Variants in OTOGL observed in about 807,000 individuals in gnomAD.
OTOGL encodes otogelin-like protein.
OTOGL carries 285 observed loss-of-function variants against 318.5 expected under a neutral mutation model. That is an observed-to-expected ratio of 0.89 (90% CI 0.81 to 0.99). The LOEUF is 0.99. OTOGL is among the 50% of genes least tolerant of loss of function. The pLI is 0.00. For synonymous variants in OTOGL, 987 were observed against 936.5 expected (o/e 1.05, Z -0.99); for missense variants, 2,899 against 2,845.6 (o/e 1.02, Z -0.43).
Position 80,352,608 on chromosome 12 carries a change from A to G in OTOGL, c.5407+172A>G, listed in dbSNP as rs150219002. Among the ~76,000 whole-genome samples, 57 of 152,334 alleles carry G rather than the reference A, an allele frequency of 3.7e-4. No homozygotes were observed. In the East Asian group the frequency reaches 0.01, roughly 28 times the overall value. On this transcript the variant is annotated intron_variant, in intron 45 of 58. Transcript: ENST00000547103. ...ACTTGATTTCAGAAATAAAACAGTC[A>G]CACATGAAGCTCCCTTTGTGCCTTC...
At position 80,358,285 on chromosome 12, in the gene OTOGL, T is replaced by G; in HGVS notation, c.6057T>G (p.His2019Gln). 6.2e-7 allele frequency: 1 copy of G among 1,612,428 alleles called. No homozygotes were observed. The highest frequency in any genetic ancestry group is 8.5e-7 in the Non-Finnish European group (1 of 1,179,026). ...GCACCAAACCTGTTCCACTATGTCA[T>G]GATGGGGAATTTCTCACAGTAGATC... ...ESCTKPVPLC[H>Q]DGEFLTVDLN... is the part of the protein sequence containing the mutation. Residue 2019 changes from histidine (H) to glutamine (Q), a missense_variant, in exon 50 of 59, where the codon CAT becomes CAG. By Grantham distance (24) the His-to-Gln change is conservative. This residue lies in a region of OTOGL where 2,607 missense variants were observed against 2,524.9 expected (regional missense o/e 1.03). Coordinates refer to ENST00000547103, the MANE Select transcript of OTOGL (RefSeq NM_001378609.3).
chr12:80,106,611 G>A (rs1869470088), intron 1 of OTOGL, among the ~76,000 whole-genome samples: 1 of 152,118 alleles, frequency 6.6e-6, no homozygotes, highest in South Asian at 2.1e-4. Flanking sequence ...TGAAACATAC[G>A]CACACACATA....
intron 29 of OTOGL, among the ~76,000 whole-genome samples, chr12:80,309,173 A>G (rs888081578): frequency 2.0e-5 from 3 of 152,222 alleles, no homozygotes; most frequent in African/African-American, 7.2e-5. Context: ...GTTTTCCATT[A>G]CATACAGACA....
At chr12:80,165,859 C>T (rs74917432) in intron 1 of OTOGL, among the ~76,000 whole-genome samples, 2,679 of 152,294 alleles carry the variant, frequency 0.018, 40 homozygotes, top group Non-Finnish European at 0.024. Context: ...TCCCTTAATC[C>T]CATCCATACA....
intron 1 of OTOGL, among the ~76,000 whole-genome samples, chr12:80,178,041 TTTTC>T (rs199695997): frequency 0.15 from 19,691 of 130,940 alleles, 2,037 homozygotes; most frequent in East Asian, 0.26. Context: ...TATTCTATTC[TTTTC>T]TTTCTTTCTT....
intron 1 of OTOGL, among the ~76,000 whole-genome samples, chr12:80,108,813 G>A (rs1238430531): frequency 7.5e-6 from 1 of 134,146 alleles, no homozygotes; most frequent in Admixed American, 7.7e-5. Flanking sequence ...ATATATATAT[G>A]TGTATATATA....
Position 80,301,109 on chromosome 12 carries a change from C to T in OTOGL, c.3064-1525C>T, listed in dbSNP as rs190430678. Reference sequence around the variant, plus strand: ...ACTGTAGTATAGTATTTTCAAACTACGCTTTTGTTATTACTTGAAGGAGAA... The same window carrying T: ...ACTGTAGTATAGTATTTTCAAACTATGCTTTTGTTATTACTTGAAGGAGAA... On this transcript the variant is annotated intron_variant, in intron 27 of 58. Transcript: ENST00000547103. Among the ~76,000 whole-genome samples, 26 of 152,204 alleles carry T rather than the reference C, an allele frequency of 1.7e-4. No homozygotes were observed. In the East Asian group the frequency reaches 2.5e-3, roughly 15 times the overall value.
intron 1 of OTOGL, among the ~76,000 whole-genome samples, chr12:80,117,502 A>G (rs529190969): frequency 6.6e-6 from 1 of 152,120 alleles, no homozygotes. Context: ...TCCCATTACC[A>G]TCACGTTAAC....
At chr12:80,184,767 G>A (rs909176858) in intron 1 of OTOGL, among the ~76,000 whole-genome samples, 40 of 152,288 alleles carry the variant, frequency 2.6e-4, no homozygotes, top group African/African-American at 9.1e-4. Flanking sequence ...ACAGACAAAA[G>A]GAGGAGCCCC....
intron 11 of OTOGL, among the ~76,000 whole-genome samples, chr12:80,243,190 C>T (rs1472890000): frequency 6.6e-6 from 1 of 151,976 alleles, no homozygotes; most frequent in East Asian, 1.9e-4. Flanking sequence ...GAGAATGACA[C>T]CTTAACCTAC....
chr12:80,337,120 A>G (rs1230787934), intron 42 of OTOGL, 116 bp downstream of exon 42: 2 of 746,640 alleles, frequency 2.7e-6, no homozygotes, highest in East Asian at 5.4e-5. Flanking sequence ...TGTTATATAT[A>G]GTAATCATTT....
intron 43 of OTOGL, 30 bp downstream of exon 43, chr12:80,339,294 G>A (rs769880028): frequency 1.8e-4 from 104 of 578,520 alleles, no homozygotes; most frequent in Middle Eastern, 1.0e-3. Flanking sequence ...TCTTGATTTC[G>A]TCTGTTTTTT....
rs751817862 is a variant in OTOGL at position 80,279,152 on chromosome 12, G to T, written c.2914G>T (p.Val972Leu). The T allele has an allele frequency of 3.8e-6, 6 of 1,589,632 alleles. No individual in the cohort carries two copies. Among genetic ancestry groups the T allele is most frequent in the Non-Finnish European group, 5.1e-6 (6 of 1,175,208 alleles). Residue 972 changes from valine to leucine, a missense_variant, in exon 26 of 59, where the codon GTG (valine) becomes TTG (leucine). Val to Leu is a conservative substitution (Grantham distance 32, BLOSUM62 1). This residue lies in a region of OTOGL where 2,607 missense variants were observed against 2,524.9 expected (regional missense o/e 1.03). Transcript: ENST00000547103. ...LEYDYISDCQ[V>L]FLIKSADDSD... ...ATATGACTATATCAGTGATTGCCAG[G>T]TGTTTTTGATAAAGGTAGGTCACAG...
At chr12:80,135,245 A>C (rs1871477723) in intron 1 of OTOGL, among the ~76,000 whole-genome samples, 1 of 75,350 alleles carries the variant, frequency 1.3e-5, no homozygotes, top group African/African-American at 4.5e-5. Context: ...TTATTTCTTG[A>C]GCCCCTCCCC....
At chr12:80,195,499 G>C (rs1875993775) in intron 1 of OTOGL, among the ~76,000 whole-genome samples, 1 of 152,206 alleles carries the variant, frequency 6.6e-6, no homozygotes, top group Admixed American at 6.5e-5. Flanking sequence ...AATGAAGGCA[G>C]ACAAGGAGTT....
intron 26 of OTOGL, among the ~76,000 whole-genome samples, chr12:80,292,142 C>T (rs1270109471): frequency 6.6e-6 from 1 of 152,062 alleles, no homozygotes; most frequent in African/African-American, 2.4e-5. Context: ...GCATGCGCCA[C>T]CACACCTGGC....
At chr12:80,160,988 A>T (rs997398911) in intron 1 of OTOGL, among the ~76,000 whole-genome samples, 1 of 152,058 alleles carries the variant, frequency 6.6e-6, no homozygotes, top group Non-Finnish European at 1.5e-5. Flanking sequence ...GGAATGAAAA[A>T]CCAAACATTG....
intron 1 of OTOGL, among the ~76,000 whole-genome samples, chr12:80,207,922 T>C (rs1876933318): frequency 6.6e-6 from 1 of 152,186 alleles, no homozygotes; most frequent in African/African-American, 2.4e-5. Context: ...CATAAGTTAA[T>C]TATGTTAGAT....
chr12:80,209,338 A>G (rs1327539513), intron 1 of OTOGL, 75 bp from the exon 2 acceptor site: 1 of 769,970 alleles, frequency 1.3e-6, no homozygotes, highest in East Asian at 3.0e-5. Context: ...ATTTATTAGA[A>G]TTTGAGTACC....
Sources: gnomAD v4.1 joint callset for allele counts (sites outside exome capture counted in the v4.1 genomes callset) on GRCh38, gnomAD v4.1.1 for gene constraint, gnomAD v4.1.1 regional missense constraint, MANE v1.5 for transcripts, NCBI Gene and HGNC (gene_info 2026-07-23, HGNC 2026-07-21) for gene names.